The following GLIS3 variants were observed in gnomAD, a reference collection of about 807,000 sequenced individuals.
GLIS3 encodes zinc finger protein GLIS3.
GLIS3 carries 53 observed loss-of-function variants against 78.6 expected under a neutral mutation model. The observed-to-expected ratio is 0.67, with a 90% CI of 0.54 to 0.85. The LOEUF is 0.85. GLIS3 is among the 40% of genes least tolerant of loss of function. GLIS3 has a pLI of 0.00. For synonymous variants in GLIS3, 684 were observed against 509.9 expected, an observed-to-expected ratio of 1.34 and a Z score of -4.60; for missense variants, 1,703 against 1,231.1, an observed-to-expected ratio of 1.38 and a Z score of -5.74.
chr9:4,381,864 G>A, the GLIS3 span, among the ~76,000 whole-genome samples: 2 of 152,184 alleles, frequency 1.3e-5, no homozygotes, highest in Non-Finnish European at 2.9e-5. Flanking sequence ...GGTTCTGGAA[G>A]TAGCTGTGCC....
chr9:4,263,956 A>C (rs1264790410), intron 2 of GLIS3, among the ~76,000 whole-genome samples: 1 of 152,070 alleles, frequency 6.6e-6, no homozygotes, highest in East Asian at 1.9e-4. Flanking sequence ...GGTCCTTTGC[A>C]GTCTTATGAC....
the GLIS3 span, among the ~76,000 whole-genome samples, chr9:4,382,491 C>T: frequency 9.2e-5 from 14 of 152,268 alleles, no homozygotes; most frequent in African/African-American, 2.9e-4. Context: ...CTCTGATTAC[C>T]TCACACAAAC....
At chr9:4,290,877 G>A (rs978436842) in intron 1 of GLIS3, among the ~76,000 whole-genome samples, 1 of 152,080 alleles carries the variant, frequency 6.6e-6, no homozygotes, top group African/African-American at 2.4e-5. Flanking sequence ...AAATATATTG[G>A]ATGTGTACAA....
chr9:4,021,842 G>GT (rs1330995279), intron 4 of GLIS3, among the ~76,000 whole-genome samples: 5 of 152,122 alleles, frequency 3.3e-5, no homozygotes, highest in East Asian at 3.9e-4. Flanking sequence ...CAAAGCAATA[G>GT]TTTTTTCAGT....
intron 8 of GLIS3, among the ~76,000 whole-genome samples, chr9:3,860,381 T>G (rs753120924): frequency 6.6e-6 from 1 of 151,484 alleles, no homozygotes; most frequent in Non-Finnish European, 1.5e-5. Flanking sequence ...GTCTGATTAT[T>G]TGGGGGTATT....
chr9:4,074,276 A>T (rs1827872426), intron 4 of GLIS3, among the ~76,000 whole-genome samples: 1 of 152,218 alleles, frequency 6.6e-6, no homozygotes, highest in African/African-American at 2.4e-5. Flanking sequence ...ACCCAACCTA[A>T]GCCATGACTT....
At chr9:4,243,253 C>G (rs572795565) in intron 2 of GLIS3, among the ~76,000 whole-genome samples, 1 of 152,226 alleles carries the variant, frequency 6.6e-6, no homozygotes, top group East Asian at 1.9e-4. Context: ...GAGTACAGTA[C>G]AGGAAGGAGG....
At chr9:4,367,453 CT>C in the GLIS3 span, among the ~76,000 whole-genome samples, 1 of 152,026 alleles carries the variant, frequency 6.6e-6, no homozygotes, top group Non-Finnish European at 1.5e-5. Flanking sequence ...CTTGATCCCC[CT>C]GGGCCTCCTG....
the GLIS3 span, among the ~76,000 whole-genome samples, chr9:4,432,577 G>C: frequency 6.6e-6 from 1 of 151,274 alleles, no homozygotes; most frequent in Non-Finnish European, 1.5e-5. Flanking sequence ...CACAAGCCTT[G>C]TGTTCCAAAA....
the GLIS3 span, among the ~76,000 whole-genome samples, chr9:4,420,388 GAGA>G: frequency 5.3e-5 from 8 of 152,120 alleles, no homozygotes; most frequent in Admixed American, 2.6e-4. Context: ...CTAACCTAAC[GAGA>G]AGAAGGATAA....
chr9:4,361,132 C>A, the GLIS3 span, among the ~76,000 whole-genome samples: 2 of 152,164 alleles, frequency 1.3e-5, no homozygotes, highest in Admixed American at 6.5e-5. Context: ...GCACTCATTC[C>A]TGGGAGTGTT....
chr9:4,354,806 C>G, the GLIS3 span, among the ~76,000 whole-genome samples: 1 of 152,154 alleles, frequency 6.6e-6, no homozygotes, highest in Non-Finnish European at 1.5e-5. Flanking sequence ...TTGGAATAAG[C>G]TACTGTCACC....
chr9:4,360,475 C>T, the GLIS3 span, among the ~76,000 whole-genome samples: 2 of 152,148 alleles, frequency 1.3e-5, no homozygotes, highest in Admixed American at 6.6e-5. Flanking sequence ...AATTTGCTGT[C>T]GTTTCAATAA....
intron 6 of GLIS3, among the ~76,000 whole-genome samples, chr9:3,921,042 G>A (rs1824855539): frequency 6.6e-6 from 1 of 152,102 alleles, no homozygotes; most frequent in African/African-American, 2.4e-5. Context: ...AACCCTACGG[G>A]ACTTCGCAGT....
chr9:4,358,256 C>CT, the GLIS3 span, among the ~76,000 whole-genome samples: 2 of 151,936 alleles, frequency 1.3e-5, no homozygotes, highest in Non-Finnish European at 2.9e-5. Context: ...AGGAATTCTG[C>CT]TTTTTTTTGT....
chr9:4,408,071 G>A, the GLIS3 span, among the ~76,000 whole-genome samples: 16 of 152,156 alleles, frequency 1.1e-4, no homozygotes, highest in African/African-American at 2.7e-4. Flanking sequence ...AGGAGATATC[G>A]TATGACCCCA....
intron 3 of GLIS3, among the ~76,000 whole-genome samples, chr9:4,125,439 C>A (rs1832498185): frequency 6.6e-6 from 1 of 152,124 alleles, no homozygotes; most frequent in Non-Finnish European, 1.5e-5. Context: ...CAGAAATTGA[C>A]AAATTTACAC....
chr9:4,219,685 G>A (rs918599309), intron 2 of GLIS3, among the ~76,000 whole-genome samples: 2 of 152,178 alleles, frequency 1.3e-5, no homozygotes, highest in South Asian at 4.2e-4. Context: ...ATCTTTCAAT[G>A]AAAAAAACAT....
intron 4 of GLIS3, among the ~76,000 whole-genome samples, chr9:3,970,039 A>G (rs1429772760): frequency 6.6e-6 from 1 of 152,228 alleles, no homozygotes; most frequent in Non-Finnish European, 1.5e-5. Context: ...CACTGCATTC[A>G]CACACAACCA....
Sources: allele counts gnomAD v4.1 joint callset (sites outside exome capture counted in the v4.1 genomes callset), GRCh38; gene constraint gnomAD v4.1.1; transcripts MANE v1.5; gene names NCBI Gene and HGNC (gene_info 2026-07-23, HGNC 2026-07-21).